PGAP1: variants seen among roughly 807,000 people sequenced by gnomAD.
PGAP1 encodes the protein post-GPI attachment to proteins inositol deacylase 1.
A neutral mutation model predicts 127.0 loss-of-function variants in PGAP1; 76 were observed. The observed-to-expected ratio is 0.60, with a 90% CI of 0.50 to 0.72. The LOEUF (loss-of-function observed/expected upper bound fraction) is 0.72. PGAP1 is among the 30% of genes least tolerant of loss of function. The pLI is 0.00. For synonymous variants in PGAP1, 362 were observed against 366.5 expected (o/e 0.99, Z 0.14); for missense variants, 982 against 1,071.3 (o/e 0.92, Z 1.16).
rs541574469 is a variant in PGAP1, at chr2:196,902,602, T to G, written c.790A>C (p.Ser264Arg). The G allele has an allele frequency of 3.1e-6, 5 of 1,611,464 alleles. No individual in the cohort carries two copies. Among genetic ancestry groups the G allele is most frequent in the Admixed American group, 1.7e-5 (1 of 59,332 alleles). The change falls in exon 5 of 27, where the codon AGT (serine) becomes CGT (arginine). Residue 264 changes from serine (S) to arginine (R), a missense_variant. Physicochemically the swap from Ser to Arg is moderately radical, Grantham distance 110. Coordinates refer to ENST00000354764, the MANE Select transcript of PGAP1 (RefSeq NM_024989.4). ...AAGATTACCACAACAGATAAGGCAC[T>G]GGTATGATGGCTTAATTTTGGTAGA... is the stretch of plus-strand genomic sequence containing the variant. ...TFLPKLSHHT[S>R]ALSVVSSAVP...
At chr2:196,926,342 CAG>C (rs1703359380) in intron 1 of PGAP1, 126 bp downstream of exon 1, 1 of 1,415,492 alleles carries the variant, frequency 7.1e-7, no homozygotes, top group Non-Finnish European at 9.5e-7. Context: ...GCGGAGAAAA[CAG>C]AGGCGAGGAC....
intron 20 of PGAP1, among the ~76,000 whole-genome samples, chr2:196,860,711 CATCTATGTTCATGGATTGAATGA>C (rs1701038302): frequency 6.6e-6 from 1 of 152,166 alleles, no homozygotes; most frequent in South Asian, 2.1e-4. Context: ...AAAGCAATTC[CATCTATGTTCATGGATTGAATGA>C]TTTAGCATTG....
intron 18 of PGAP1, among the ~76,000 whole-genome samples, chr2:196,871,543 ATAT>A (rs1450015687): frequency 3.5e-4 from 53 of 152,144 alleles, no homozygotes; most frequent in Admixed American, 3.5e-3. Context: ...TATTGCTTTA[ATAT>A]TATAAATATG....
At chr2:196,850,852 C>T (rs551060031) in intron 20 of PGAP1, among the ~76,000 whole-genome samples, 9 of 152,066 alleles carry the variant, frequency 5.9e-5, no homozygotes, top group South Asian at 2.1e-4. Flanking sequence ...ATATTATGAA[C>T]GATTCTTGCA....
At chr2:196,850,946 T>C (rs1057458006) in intron 20 of PGAP1, among the ~76,000 whole-genome samples, 2 of 152,058 alleles carry the variant, frequency 1.3e-5, no homozygotes, top group Non-Finnish European at 2.9e-5. Context: ...TAATTATCAA[T>C]TTATAGAAAA....
At chr2:196,874,532 T>C (rs1701500204) in intron 14 of PGAP1, among the ~76,000 whole-genome samples, 1 of 152,064 alleles carries the variant, frequency 6.6e-6, no homozygotes, top group Non-Finnish European at 1.5e-5. Context: ...TATTTATTAA[T>C]TACAAAAGGA....
intron 1 of PGAP1, chr2:196,922,598 A>ACT (rs2125842577): frequency 1.2e-6 from 1 of 832,720 alleles, no homozygotes; most frequent in Admixed American, 6.4e-5. Context: ...ACACACACAC[A>ACT]CACACACACA....
At chr2:196,871,561 T>G (rs1355363252) in intron 18 of PGAP1, among the ~76,000 whole-genome samples, 1 of 152,096 alleles carries the variant, frequency 6.6e-6, no homozygotes, top group African/African-American at 2.4e-5. Flanking sequence ...AATATGAACA[T>G]GCAAATTAAA....
intron 20 of PGAP1, among the ~76,000 whole-genome samples, chr2:196,856,005 G>GT (rs1700871148): frequency 6.6e-6 from 1 of 151,914 alleles, no homozygotes; most frequent in African/African-American, 2.4e-5. Flanking sequence ...TATTGTTTTT[G>GT]TTTTTTGTGT....
intron 19 of PGAP1, 117 bp downstream of exon 19, chr2:196,870,824 G>T: frequency 1.3e-6 from 1 of 756,080 alleles, no homozygotes; most frequent in Non-Finnish European, 2.2e-6. Context: ...GATACTGTAT[G>T]TGGTCTGCAA....
At chr2:196,842,876 T>G (rs1218214212) in intron 25 of PGAP1, 51 bp from the exon 26 acceptor site, 8 of 853,244 alleles carry the variant, frequency 9.4e-6, no homozygotes, top group African/African-American at 5.3e-5. Context: ...CTGATCATTT[T>G]AAATTATCAG....
chr2:196,870,662 T>A (rs1701382293), intron 19 of PGAP1, among the ~76,000 whole-genome samples: 1 of 152,158 alleles, frequency 6.6e-6, no homozygotes, highest in South Asian at 2.1e-4. Flanking sequence ...ATTTTTTGGA[T>A]GTATCAAACA....
intron 12 of PGAP1, among the ~76,000 whole-genome samples, chr2:196,881,926 A>C (rs911197841): frequency 2.6e-5 from 4 of 152,154 alleles, no homozygotes; most frequent in African/African-American, 9.7e-5. Flanking sequence ...ATCTTTGCCC[A>C]TTCCTATGTC....
At chr2:196,872,386 A>G in intron 18 of PGAP1, 55 bp downstream of exon 18, 1 of 1,253,820 alleles carries the variant, frequency 8.0e-7, no homozygotes, top group Non-Finnish European at 1.1e-6. Context: ...TAAAAAGAAC[A>G]TTTCTAGCTT....
chr2:196,848,209 T>C (rs1465431219), intron 20 of PGAP1, among the ~76,000 whole-genome samples, 172 bp from the exon 21 acceptor site: 2 of 152,006 alleles, frequency 1.3e-5, no homozygotes, highest in South Asian at 4.1e-4. Context: ...TCAATGGTTC[T>C]TATATTAGAG....
At chr2:196,855,325 C>CAAAAAAAAA (rs112534782) in intron 20 of PGAP1, among the ~76,000 whole-genome samples, 1 of 67,150 alleles carries the variant, frequency 1.5e-5, no homozygotes. Flanking sequence ...ACTCTGTCAC[C>CAAAAAAAAA]AAAAAAAAAA....
At chr2:196,897,313 C>T in intron 6 of PGAP1, 116 bp from the exon 7 acceptor site, 2 of 494,300 alleles carry the variant, frequency 4.0e-6, no homozygotes, top group Non-Finnish European at 3.5e-6. Context: ...GTGCTCTAAA[C>T]TCAAAAATTA....
Position 196,880,098 on chromosome 2 carries a change from A to G in PGAP1, c.1328T>C (p.Val443Ala), listed in dbSNP as rs1302416920. The change falls in exon 13 of 27, where the codon GTA becomes GCA. Residue 443 changes from valine (V) to alanine (A), a missense_variant. Transcript: ENST00000354764. ...TACCTTACTTCCACGAACAGATGGT[A>G]CATAAACAACAAGATGAGACAAAGA... ...YPSLSHLVVY[V>A]PSVRGSKFVV... 3 of 1,602,588 alleles carry G rather than the reference A, an allele frequency of 1.9e-6. No homozygotes were observed. The highest frequency in any genetic ancestry group is 1.7e-5 in the Admixed American group (1 of 58,658).
chr2:196,902,463 A>G, intron 5 of PGAP1, 122 bp downstream of exon 5: 1 of 725,042 alleles, frequency 1.4e-6, no homozygotes, highest in Non-Finnish European at 2.2e-6. Context: ...ATGCATGCCC[A>G]CACAGCAGTC....
Sources: allele counts gnomAD v4.1 joint callset (sites outside exome capture counted in the v4.1 genomes callset), GRCh38; gene constraint gnomAD v4.1.1; transcripts MANE v1.5; gene names NCBI Gene and HGNC (gene_info 2026-07-23, HGNC 2026-07-21).